The following NEK11 variants were observed in gnomAD, a reference collection of about 807,000 sequenced individuals.
The protein encoded by NEK11 is NIMA related kinase 11.
In NEK11, 72 loss-of-function variants were observed where a neutral mutation model predicts 80.7. The observed-to-expected ratio is 0.89, with a 90% confidence interval of 0.74 to 1.08. NEK11 has a LOEUF of 1.08. Among genes scored for constraint, NEK11 ranks in the 50% least tolerant of loss-of-function variants. The pLI is 0.00. For synonymous variants in NEK11, 251 were observed against 260.7 expected, an observed-to-expected ratio of 0.96 and a Z score of 0.36; for missense variants, 764 against 763.6, an observed-to-expected ratio of 1.00 and a Z score of -0.01.
chr3:131,132,344 A>T, intron 5 of NEK11, among the ~76,000 whole-genome samples: 1 of 152,036 alleles, frequency 6.6e-6, no homozygotes, highest in Non-Finnish European at 1.5e-5. Context: ...CTTAAATATC[A>T]TCAACAACGT....
At chr3:131,225,449 C>T (rs149805884) in intron 14 of NEK11, among the ~76,000 whole-genome samples, 6 of 152,280 alleles carry the variant, frequency 3.9e-5, no homozygotes, top group South Asian at 2.1e-4. Context: ...CTTATTTCTT[C>T]CTGGTGTTGG....
intron 3 of NEK11, among the ~76,000 whole-genome samples, chr3:131,045,756 G>C (rs2067281103): frequency 6.6e-6 from 1 of 152,094 alleles, no homozygotes. Context: ...CTTAGGTCTA[G>C]TAGTAATTGT....
At position 131,289,581 on chromosome 3, in the gene NEK11, C is replaced by T. The variant is rs144500687; in HGVS notation, c.1718+16007C>T. Among the ~76,000 whole-genome samples, 341 of 152,246 alleles carry T rather than the reference C, an allele frequency of 2.2e-3. 2 individuals carry two copies. The highest frequency in any genetic ancestry group is 7.4e-3 in the African/African-American group (306 of 41,538). ...CCACCTGTAGAACAGAGGTGACTGA[C>T]GGGATTTGGTTTGTAACCTTTTTTG... is the stretch of plus-strand genomic sequence containing the variant. On this transcript the variant is annotated intron_variant, in intron 17 of 17. Coordinates refer to ENST00000383366, the MANE Select transcript of NEK11 (RefSeq NM_024800.5).
At chr3:131,263,101 G>GT (rs1453266448) in intron 16 of NEK11, among the ~76,000 whole-genome samples, 1 of 151,590 alleles carries the variant, frequency 6.6e-6, no homozygotes, top group Non-Finnish European at 1.5e-5. Context: ...GGTTTGTTAC[G>GT]TATGTATACA....
At chr3:131,200,561 A>G (rs1326115312) in intron 14 of NEK11, among the ~76,000 whole-genome samples, 1 of 152,210 alleles carries the variant, frequency 6.6e-6, no homozygotes. Flanking sequence ...TAAACATAGA[A>G]ATTGACCCTT....
At chr3:131,226,559 A>G (rs898423088) in intron 14 of NEK11, among the ~76,000 whole-genome samples, 5 of 152,154 alleles carry the variant, frequency 3.3e-5, no homozygotes, top group African/African-American at 1.2e-4. Context: ...CCATTATTCT[A>G]AGTGAAGTAA....
intron 5 of NEK11, among the ~76,000 whole-genome samples, chr3:131,122,085 G>A (rs981274499): frequency 6.6e-6 from 1 of 152,210 alleles, no homozygotes; most frequent in Admixed American, 6.5e-5. Flanking sequence ...CTGTAGACTG[G>A]AACTGTTCCT....
At chr3:131,185,239 A>T (rs151242965) in intron 14 of NEK11, among the ~76,000 whole-genome samples, 1 of 152,164 alleles carries the variant, frequency 6.6e-6, no homozygotes, top group African/African-American at 2.4e-5. Flanking sequence ...TGGAAAGCAG[A>T]TAATAGGACA....
intron 17 of NEK11, among the ~76,000 whole-genome samples, chr3:131,293,238 T>C (rs1363966259): frequency 1.3e-5 from 2 of 152,154 alleles, no homozygotes; most frequent in Non-Finnish European, 2.9e-5. Context: ...GTAGATATCC[T>C]TTATCAGGTT....
intron 17 of NEK11, among the ~76,000 whole-genome samples, chr3:131,340,951 ATTC>A (rs1041920177): frequency 1.3e-5 from 2 of 152,210 alleles, no homozygotes; most frequent in Non-Finnish European, 2.9e-5. Flanking sequence ...GAAAATATAA[ATTC>A]TTTTTATTTG....
intron 14 of NEK11, among the ~76,000 whole-genome samples, chr3:131,213,848 T>C (rs2094719711): frequency 6.6e-6 from 1 of 152,204 alleles, no homozygotes; most frequent in Non-Finnish European, 1.5e-5. Context: ...TTCATCATAT[T>C]GAAACCCTAA....
chr3:131,057,090 A>G (rs1211585117), intron 3 of NEK11, among the ~76,000 whole-genome samples: 1 of 123,476 alleles, frequency 8.1e-6, no homozygotes, highest in Non-Finnish European at 1.6e-5. Flanking sequence ...TCCTGTGTCC[A>G]TGTGTTCTCA....
intron 7 of NEK11, among the ~76,000 whole-genome samples, chr3:131,149,047 AT>A (rs1215005663): frequency 6.6e-6 from 1 of 151,856 alleles, no homozygotes; most frequent in African/African-American, 2.4e-5. Flanking sequence ...TGTTAACTAT[AT>A]TTTTTGTGTT....
At chr3:131,075,004 G>A (rs535944341) in intron 3 of NEK11, among the ~76,000 whole-genome samples, 7 of 152,150 alleles carry the variant, frequency 4.6e-5, no homozygotes, top group South Asian at 2.1e-4. Context: ...TAACAGAAGC[G>A]TGAGATTTCC....
rs869304359 is a variant in NEK11, at chr3:131,272,463, CTTTTT to C, written c.1622-989_1622-985del. ...CTTGCTAATGGGCCAGTTTTAGCTTCTTTTTTTTTTTTTTTTTTTTTTTTTTTTTT... is the reference window on the plus strand; with the variant it reads ...CTTGCTAATGGGCCAGTTTTAGCTTCTTTTTTTTTTTTTTTTTTTTTTTTT... On this transcript the variant is annotated intron_variant, in intron 16 of 17. Coordinates refer to ENST00000383366, the MANE Select transcript of NEK11 (RefSeq NM_024800.5). Among the ~76,000 whole-genome samples the C allele has an allele frequency of 1.1e-3, 47 of 43,904 alleles. 1 individual carries two copies. Among genetic ancestry groups the C allele is most frequent in the African/African-American group, 3.5e-3 (39 of 11,046 alleles). The allele number at this position is 43,904 out of a possible 152,430, so 28.8% of individuals were successfully genotyped here. A position where few individuals can be genotyped will look rare whatever the true frequency, so the allele number is the denominator to read the frequency against.
intron 4 of NEK11, among the ~76,000 whole-genome samples, chr3:131,084,731 A>G (rs1428558347): frequency 6.6e-6 from 1 of 152,186 alleles, no homozygotes; most frequent in Admixed American, 6.5e-5. Flanking sequence ...ATGTAGTACT[A>G]GTTCTCAACA....
At chr3:131,207,410 T>C (rs1164505423) in intron 14 of NEK11, among the ~76,000 whole-genome samples, 1 of 152,054 alleles carries the variant, frequency 6.6e-6, no homozygotes, top group East Asian at 1.9e-4. Context: ...GGTGAAACGC[T>C]ATCTCTACTA....
chr3:131,128,073 C>T lies in NEK11; in HGVS notation c.456-4672C>T, dbSNP rs147526024. On this transcript the variant is annotated intron_variant, in intron 5 of 17. Transcript: ENST00000383366. ...GGAAGGTACAGAGATTTCCCTTATA[C>T]CCCCTGCTCCCACACATGCATTGCC... Among the ~76,000 whole-genome samples the T allele has an allele frequency of 7.1e-3, 1,081 of 152,270 alleles. 19 individuals are homozygous for T. The highest frequency in any genetic ancestry group is 0.024 in the African/African-American group (1,008 of 41,544).
At chr3:131,126,955 CTTTCTTTTT>C (rs1167045196) in intron 5 of NEK11, among the ~76,000 whole-genome samples, 2 of 105,106 alleles carry the variant, frequency 1.9e-5, no homozygotes, top group East Asian at 5.5e-4. Flanking sequence ...TTCTTTCTTT[CTTTCTTTTT>C]TTTTTTTTTT....
Sources: gnomAD v4.1 joint callset for allele counts (sites outside exome capture counted in the v4.1 genomes callset) on GRCh38, gnomAD v4.1.1 for gene constraint, MANE v1.5 for transcripts, NCBI Gene and HGNC (gene_info 2026-07-23, HGNC 2026-07-21) for gene names.